The following SLC10A7 variants were observed in gnomAD, a reference collection of about 807,000 sequenced individuals.
SLC10A7 encodes sodium/bile acid cotransporter 7.
Under a neutral mutation model 43.2 loss-of-function variants are expected in SLC10A7, and 29 were observed. The observed-to-expected ratio is 0.67, with a 90% CI of 0.50 to 0.92. SLC10A7 has a LOEUF of 0.92. SLC10A7 is among the 40% of genes least tolerant of loss of function. The pLI is 0.00. For synonymous variants in SLC10A7, 152 were observed against 144.8 expected (o/e 1.05, Z -0.35); for missense variants, 295 against 403.2 (o/e 0.73, Z 2.30).
chr4:146,274,129 C>A (rs575615582), intron 10 of SLC10A7, among the ~76,000 whole-genome samples: 2 of 151,738 alleles, frequency 1.3e-5, no homozygotes, highest in African/African-American at 2.4e-5. Flanking sequence ...TTAAAGAAAG[C>A]AAGCTGCTTC....
Position 146,428,446 on chromosome 4 carries a change from G to A in SLC10A7, c.435+14337C>T, listed in dbSNP as rs1729531238. Among the ~76,000 whole-genome samples, 6 of 152,210 alleles carry A rather than the reference G, an allele frequency of 3.9e-5. No homozygotes were observed. In the South Asian group the frequency reaches 1.2e-3, roughly 32 times the overall value. The stretch of plus-strand genomic sequence containing the variant: ...AACTCATCAAACTCAAGTGCAGAGG[G>A]CTGTAACATGATGCTTCTAAACAGC... On this transcript the variant is annotated intron_variant, in intron 5 of 11. Coordinates refer to ENST00000335472, the MANE Select transcript of SLC10A7 (RefSeq NM_001029998.6).
chr4:146,392,564 AC>A (rs1738517634), intron 5 of SLC10A7, among the ~76,000 whole-genome samples: 1 of 152,176 alleles, frequency 6.6e-6, no homozygotes, highest in Non-Finnish European at 1.5e-5. Flanking sequence ...TTACTGAAAA[AC>A]AAAAAATTGG....
At chr4:146,334,247 G>A (rs1733729604) in intron 5 of SLC10A7, among the ~76,000 whole-genome samples, 1 of 152,062 alleles carries the variant, frequency 6.6e-6, no homozygotes, top group African/African-American at 2.4e-5. Context: ...AATAGGGTCT[G>A]GACAGTGAAA....
chr4:146,454,094 A>G (rs1034501250), intron 4 of SLC10A7, among the ~76,000 whole-genome samples: 1 of 151,964 alleles, frequency 6.6e-6, no homozygotes. Context: ...TCCTAAAAAC[A>G]TAATTATCAG....
intron 6 of SLC10A7, among the ~76,000 whole-genome samples, chr4:146,307,061 A>G (rs1731627355): frequency 6.6e-6 from 1 of 152,190 alleles, no homozygotes; most frequent in Non-Finnish European, 1.5e-5. Context: ...TAGCTACATG[A>G]AGTCAATAGC....
chr4:146,367,788 C>T (rs1736498275), intron 5 of SLC10A7, among the ~76,000 whole-genome samples: 1 of 152,138 alleles, frequency 6.6e-6, no homozygotes, highest in Admixed American at 6.6e-5. Flanking sequence ...CTTCTACCAA[C>T]CCTACCTTAC....
chr4:146,445,525 C>T (rs1185256426), intron 4 of SLC10A7, among the ~76,000 whole-genome samples: 1 of 152,130 alleles, frequency 6.6e-6, no homozygotes, highest in Non-Finnish European at 1.5e-5. Context: ...CCCAAGAAGA[C>T]GTGTGTTACA....
At chr4:146,433,222 C>T (rs1579174316) in intron 5 of SLC10A7, among the ~76,000 whole-genome samples, 1 of 141,354 alleles carries the variant, frequency 7.1e-6, no homozygotes, top group African/African-American at 2.6e-5. Context: ...AGTGCAGTGG[C>T]GTGATCTCAG....
intron 7 of SLC10A7, among the ~76,000 whole-genome samples, chr4:146,301,219 C>T (rs765568428): frequency 5.3e-5 from 8 of 152,188 alleles, no homozygotes; most frequent in African/African-American, 9.7e-5. Context: ...TAGGTCACAG[C>T]AGGCAGGCGT....
intron 5 of SLC10A7, among the ~76,000 whole-genome samples, chr4:146,409,469 G>C (rs1282171056): frequency 2.0e-5 from 3 of 151,716 alleles, no homozygotes; most frequent in African/African-American, 4.8e-5. Context: ...GGGAGGGAGG[G>C]GGATAGAGGC....
intron 4 of SLC10A7, among the ~76,000 whole-genome samples, chr4:146,490,395 A>G (rs1283016520): frequency 3.1e-5 from 2 of 64,054 alleles, no homozygotes; most frequent in Admixed American, 1.7e-4. Flanking sequence ...AGAGGGCCAC[A>G]AAAGTCCAAA....
chr4:146,387,295 G>C (rs1738079503), intron 5 of SLC10A7, among the ~76,000 whole-genome samples: 1 of 152,172 alleles, frequency 6.6e-6, no homozygotes, highest in Admixed American at 6.5e-5. Context: ...TTATTCTAGA[G>C]ATACAAGGAT....
At chr4:146,413,487 C>T (rs1353256266) in intron 5 of SLC10A7, among the ~76,000 whole-genome samples, 2 of 152,096 alleles carry the variant, frequency 1.3e-5, no homozygotes, top group Non-Finnish European at 2.9e-5. Context: ...TGTCTCCTTT[C>T]CTGCTTTCTA....
chr4:146,344,610 A>G (rs747359883), intron 5 of SLC10A7, among the ~76,000 whole-genome samples: 1 of 152,054 alleles, frequency 6.6e-6, no homozygotes, highest in Non-Finnish European at 1.5e-5. Flanking sequence ...TACTTTCATT[A>G]TATTACTAAC....
At chr4:146,487,701 T>A (rs1446721734) in intron 4 of SLC10A7, among the ~76,000 whole-genome samples, 1 of 152,200 alleles carries the variant, frequency 6.6e-6, no homozygotes, top group Non-Finnish European at 1.5e-5. Context: ...AAAACCAGAA[T>A]AATATAAAAG....
chr4:146,445,573 T>TA (rs1730981830), intron 4 of SLC10A7, among the ~76,000 whole-genome samples: 1 of 152,164 alleles, frequency 6.6e-6, no homozygotes. Flanking sequence ...CGTGGATGGC[T>TA]AGGTGTTAAC....
At chr4:146,338,758 T>C (rs1426415752) in intron 5 of SLC10A7, among the ~76,000 whole-genome samples, 1 of 151,952 alleles carries the variant, frequency 6.6e-6, no homozygotes, top group Non-Finnish European at 1.5e-5. Context: ...AAAGCTCACA[T>C]ATGGAAGATC....
intron 4 of SLC10A7, among the ~76,000 whole-genome samples, chr4:146,465,625 C>G (rs1003594533): frequency 6.6e-6 from 1 of 152,082 alleles, no homozygotes; most frequent in African/African-American, 2.4e-5. Context: ...AAAAGCACTA[C>G]TTATATATGA....
At chr4:146,514,693 C>T (rs923325428) in intron 2 of SLC10A7, 1 of 155,560 alleles carries the variant, frequency 6.4e-6, no homozygotes. Flanking sequence ...CTCTTGTATG[C>T]AAAAATGAAC....
Sources: allele counts gnomAD v4.1 joint callset (sites outside exome capture counted in the v4.1 genomes callset), GRCh38; gene constraint gnomAD v4.1.1; transcripts MANE v1.5; gene names NCBI Gene and HGNC (gene_info 2026-07-23, HGNC 2026-07-21).